Variants in SLFN5 observed in about 807,000 individuals in gnomAD.
The protein encoded by SLFN5 is schlafen family member 5.
SLFN5 carries 34 observed loss-of-function variants against 48.5 expected under a neutral mutation model. That is an observed-to-expected ratio of 0.70 (90% confidence interval 0.53 to 0.93). The LOEUF (loss-of-function observed/expected upper bound fraction) is 0.93. Among genes scored for constraint, SLFN5 ranks in the 40% least tolerant of loss-of-function variants. The probability of loss-of-function intolerance (pLI) is 0.00; values close to 1 mark genes in which losing one functional copy is unlikely to be tolerated. For synonymous variants in SLFN5, 387 were observed against 396.2 expected, an observed-to-expected ratio of 0.98 and a Z score of 0.28; for missense variants, 1,006 against 1,071.3, an observed-to-expected ratio of 0.94 and a Z score of 0.85.
chr17:35,265,811 G>T lies in SLFN5; in HGVS notation c.2599G>T (p.Ala867Ser). Reference protein sequence around the residue: ...FGINPGVAPPAGAYNLLLCLA... With the variant: ...FGINPGVAPPSGAYNLLLCLA... The stretch of plus-strand genomic sequence containing the variant: ...AATCAATCCAGGAGTAGCCCCACCG[G>T]CTGGGGCCTACAATCTTCTGCTCTG... The change falls in exon 5 of 5, where the codon GCT (alanine) becomes TCT (serine). Residue 867 changes from alanine to serine, a missense_variant. Coordinates refer to ENST00000299977, the MANE Select transcript of SLFN5 (RefSeq NM_144975.4). 6.2e-7 allele frequency: 1 copy of T among 1,614,146 alleles called. No homozygotes were observed. The highest frequency in any genetic ancestry group is 8.5e-7 in the Non-Finnish European group (1 of 1,180,044).
Position 35,268,419 on chromosome 17 carries a change from A to G in SLFN5, c.*2531A>G, listed in dbSNP as rs1377391281. 1 of 152,238 alleles carries G rather than the reference A, an allele frequency of 6.6e-6. No homozygotes were observed. The highest frequency in any genetic ancestry group is 1.9e-4 in the East Asian group (1 of 5,200). The allele number at this position is 152,238 out of a possible 1,614,324, so 9.4% of individuals were successfully genotyped here. ...AAAGGATATATAACTCAGGGGACAA[A>G]AGACAACTCACCATAAGTTGGGCGC... is the stretch of plus-strand genomic sequence containing the variant. On this transcript the variant is annotated 3_prime_UTR_variant, in exon 5 of 5. Coordinates refer to ENST00000299977, the MANE Select transcript of SLFN5 (RefSeq NM_144975.4).
At chr17:35,250,006 C>T (rs1276382507) in intron 1 of SLFN5, among the ~76,000 whole-genome samples, 4 of 152,178 alleles carry the variant, frequency 2.6e-5, no homozygotes, top group East Asian at 1.9e-4. Context: ...AGGAATGGCT[C>T]GAACCTACAG....
intron 1 of SLFN5, 25 bp from the exon 2 acceptor site, chr17:35,258,626 A>G: frequency 6.5e-7 from 1 of 1,547,642 alleles, no homozygotes; most frequent in Non-Finnish European, 8.7e-7. Flanking sequence ...TCCTGTTCTA[A>G]TGGTTCTATC....
rs889792991 is a variant in SLFN5, at chr17:35,269,729, G to A, written c.*3841G>A. 3.3e-5 allele frequency: 5 copies of A among 152,286 alleles called. No individual in the cohort carries two copies. In the East Asian group the frequency reaches 7.7e-4, roughly 23 times the overall value. 9.4% of individuals were successfully genotyped at this position (152,286 alleles called of 1,614,324 possible). A position where few individuals can be genotyped will look rare whatever the true frequency, so the allele number is the denominator to read the frequency against. On this transcript the variant is annotated 3_prime_UTR_variant, in exon 5 of 5. Coordinates refer to ENST00000299977, the MANE Select transcript of SLFN5 (RefSeq NM_144975.4). Reference sequence around the variant, plus strand: ...TCAACTCTTAGCTAGCATAGGGCAGGTTCCTTAGTTGAAAAATTTCCACAA... The same window carrying A: ...TCAACTCTTAGCTAGCATAGGGCAGATTCCTTAGTTGAAAAATTTCCACAA...
At chr17:35,252,956 AC>A (rs1363768301) in intron 1 of SLFN5, among the ~76,000 whole-genome samples, 1 of 150,736 alleles carries the variant, frequency 6.6e-6, no homozygotes, top group Non-Finnish European at 1.5e-5. Flanking sequence ...TCTCCCTCCC[AC>A]CCCCTCTCAT....
At chr17:35,257,244 T>C (rs1446423009) in intron 1 of SLFN5, among the ~76,000 whole-genome samples, 1 of 152,184 alleles carries the variant, frequency 6.6e-6, no homozygotes, top group East Asian at 1.9e-4. Context: ...AGTAATCAAG[T>C]ATCACTGTGA....
At chr17:35,250,338 C>T (rs2092439406) in intron 1 of SLFN5, among the ~76,000 whole-genome samples, 1 of 152,038 alleles carries the variant, frequency 6.6e-6, no homozygotes, top group Non-Finnish European at 1.5e-5. Flanking sequence ...TCATTGAAGC[C>T]CCTGTTTTTG....
At chr17:35,255,536 C>T (rs2092452224) in intron 1 of SLFN5, among the ~76,000 whole-genome samples, 1 of 152,118 alleles carries the variant, frequency 6.6e-6, no homozygotes, top group African/African-American at 2.4e-5. Flanking sequence ...GGAGGTAGAG[C>T]CTTAGGGCTT....
chr17:35,258,576 T>C, intron 1 of SLFN5, 75 bp from the exon 2 acceptor site: 1 of 1,271,884 alleles, frequency 7.9e-7, no homozygotes, highest in Non-Finnish European at 1.1e-6. Flanking sequence ...CTCAGTAGGA[T>C]GGCCTTAATC....
chr17:35,264,322 T>C lies in SLFN5; in HGVS notation c.1278T>C (p.Ala426=). Residue 426 remains alanine, a synonymous_variant, in exon 4 of 5, where the codon GCT becomes GCC. Transcript: ENST00000299977. ...TATTGATTTTTTCTCAAAGCTGGGCTGTGGATTTAGGTCTGCAAGAGAAGC... is the reference window on the plus strand; with the variant it reads ...TATTGATTTTTTCTCAAAGCTGGGCCGTGGATTTAGGTCTGCAAGAGAAGC... The part of the protein sequence containing the change: ...QGILIFSQSW[A]VDLGLQEKQG... The C allele has an allele frequency of 6.2e-7, 1 of 1,614,198 alleles. No individual in the cohort carries two copies. Among genetic ancestry groups the C allele is most frequent in the Non-Finnish European group, 8.5e-7 (1 of 1,180,046 alleles).
At chr17:35,254,878 A>G (rs1478473411) in intron 1 of SLFN5, among the ~76,000 whole-genome samples, 1 of 152,148 alleles carries the variant, frequency 6.6e-6, no homozygotes, top group East Asian at 1.9e-4. Flanking sequence ...TTAGCTGGGC[A>G]TGGTGGCTTG....
chr17:35,245,276 T>C (rs2092428157), intron 1 of SLFN5, among the ~76,000 whole-genome samples: 2 of 152,184 alleles, frequency 1.3e-5, no homozygotes, highest in South Asian at 4.1e-4. Context: ...GTTGATCTGG[T>C]AAGTAAGAAG....
intron 4 of SLFN5, 22 bp downstream of exon 4, chr17:35,264,925 A>G (rs370789842): frequency 2.6e-6 from 4 of 1,540,808 alleles, no homozygotes; most frequent in Non-Finnish European, 1.7e-6. Context: ...GTCTGTGTTC[A>G]CTTTATTTTC....
chr17:35,258,816 C>G lies in SLFN5; in HGVS notation c.126C>G (p.Ile42Met). 1.9e-6 allele frequency: 3 copies of G among 1,614,124 alleles called. No homozygotes were observed. Among genetic ancestry groups the G allele is most frequent in the Non-Finnish European group, 2.5e-6 (3 of 1,180,028 alleles). ...GCCTGCGGGAGAAACAGAATGAAATCATCCTGCGAGCAGTATGTGCTCTGC... is the reference window on the plus strand; with the variant it reads ...GCCTGCGGGAGAAACAGAATGAAATGATCCTGCGAGCAGTATGTGCTCTGC... ...DPRLREKQNE[I>M]ILRAVCALLN... is the part of the protein sequence containing the mutation. The change falls in exon 2 of 5, where the codon ATC becomes ATG. Residue 42 changes from isoleucine (I) to methionine (M), a missense_variant. Coordinates refer to ENST00000299977, the MANE Select transcript of SLFN5 (RefSeq NM_144975.4).
At chr17:35,250,529 G>C (rs561929487) in intron 1 of SLFN5, among the ~76,000 whole-genome samples, 13 of 152,022 alleles carry the variant, frequency 8.6e-5, no homozygotes, top group Admixed American at 8.5e-4. Flanking sequence ...GCGTGGTGGC[G>C]GGCGCCTGTA....
In SLFN5 at chr17:35,270,656, G is replaced by C. The variant is rs1020913945; in HGVS notation, c.*4768G>C. On this transcript the variant is annotated 3_prime_UTR_variant, in exon 5 of 5. Transcript: ENST00000299977. Reference sequence around the variant, plus strand: ...CCATACCTCAGGGTTTGTCAGCATTGGCACTGCTGGCTTTTTGGGCTGGAC... The same window carrying C: ...CCATACCTCAGGGTTTGTCAGCATTCGCACTGCTGGCTTTTTGGGCTGGAC... 1.3e-5 allele frequency: 2 copies of C among 152,234 alleles called. No homozygotes were observed. Among genetic ancestry groups the C allele is most frequent in the Non-Finnish European group, 2.9e-5 (2 of 68,078 alleles). The allele number at this position is 152,234 out of a possible 1,614,324, so 9.4% of individuals were successfully genotyped here.
In SLFN5 at chr17:35,264,371, C is replaced by G. The variant is rs1342134927; in HGVS notation, c.1327C>G (p.Leu443Val). Residue 443 changes from leucine to valine, a missense_variant, in exon 4 of 5, where the codon CTA becomes GTA. Leu to Val is a conservative substitution (Grantham distance 32). Transcript: ENST00000299977. ...EKQGVICDAL[L>V]ISQNNTPILY... ...GCAGGGAGTCATCTGTGATGCTCTT[C>G]TAATTTCCCAGAACAACACCCCTAT... 6.2e-7 allele frequency: 1 copy of G among 1,614,002 alleles called. No homozygotes were observed. Among genetic ancestry groups the G allele is most frequent in the East Asian group, 2.2e-5 (1 of 44,900 alleles).
intron 1 of SLFN5, among the ~76,000 whole-genome samples, chr17:35,251,454 G>A (rs1007429184): frequency 2.0e-5 from 3 of 152,192 alleles, no homozygotes; most frequent in Non-Finnish European, 4.4e-5. Context: ...CACCCAGGCT[G>A]GAGTGCAGTG....
chr17:35,253,157 T>C (rs141747698), intron 1 of SLFN5, among the ~76,000 whole-genome samples: 33 of 151,614 alleles, frequency 2.2e-4, no homozygotes, highest in African/African-American at 7.5e-4. Flanking sequence ...GTAGCGGGGG[T>C]GTATATGCTC....
Sources: allele counts gnomAD v4.1 joint callset (sites outside exome capture counted in the v4.1 genomes callset), GRCh38; gene constraint gnomAD v4.1.1; transcripts MANE v1.5; gene names NCBI Gene and HGNC (gene_info 2026-07-23, HGNC 2026-07-21).